The following RGS7 variants were observed in gnomAD, a reference collection of about 807,000 sequenced individuals.
RGS7 encodes the protein regulator of G protein signaling 7.
Under a neutral mutation model 81.1 loss-of-function variants are expected in RGS7, and 27 were observed. The observed-to-expected ratio is 0.33, with a 90% CI of 0.25 to 0.46. RGS7 has a LOEUF of 0.46. Ranked by LOEUF, RGS7 falls within the 20% of genes least tolerant of loss-of-function variation. RGS7 has a pLI of 1.00. For synonymous variants in RGS7, 208 were observed against 207.7 expected, an observed-to-expected ratio of 1.00 and a Z score of -0.01; for missense variants, 396 against 607.4, an observed-to-expected ratio of 0.65 and a Z score of 3.66.
chr1:241,043,434 G>A (rs60004675), intron 3 of RGS7, among the ~76,000 whole-genome samples: 44,785 of 150,316 alleles, frequency 0.3, 7,271 homozygotes, highest in African/African-American at 0.4. Flanking sequence ...TGCATTTTTC[G>A]TTGTTGTGTT....
intron 10 of RGS7, chr1:240,823,419 G>C (rs959527988): frequency 4.1e-5 from 16 of 389,258 alleles, no homozygotes; most frequent in African/African-American, 2.9e-4. Flanking sequence ...GGCAGAGGCA[G>C]GGCAGATGCC....
chr1:240,832,430 T>G (rs1694000584), intron 9 of RGS7, among the ~76,000 whole-genome samples: 1 of 152,214 alleles, frequency 6.6e-6, no homozygotes, highest in Non-Finnish European at 1.5e-5. Flanking sequence ...TTTAACATTG[T>G]GGAAGCCACT....
At position 241,030,851 on chromosome 1, in the gene RGS7, T is replaced by A. The variant is rs189519227; in HGVS notation, c.176-47722A>T. 5.7e-3 allele frequency among the ~76,000 whole-genome samples: 873 copies of A among 152,252 alleles called. 15 individuals carry two copies. The highest frequency in any genetic ancestry group is 5.6e-3 in the Non-Finnish European group (380 of 68,018). On this transcript the variant is annotated intron_variant, in intron 3 of 18. Coordinates refer to ENST00000440928, the MANE Select transcript of RGS7 (RefSeq NM_001364886.1). ...CACATGGAAACTGACAGTCCAAGGC[T>A]GTGATCAGGCGATGGTAGGCTCAAC... is the stretch of plus-strand genomic sequence containing the variant.
At chr1:241,237,292 T>A (rs1323724805) in intron 2 of RGS7, among the ~76,000 whole-genome samples, 3 of 152,112 alleles carry the variant, frequency 2.0e-5, no homozygotes, top group Admixed American at 2.0e-4. Flanking sequence ...TGAGAAATAA[T>A]AAAATGTAGG....
intron 4 of RGS7, among the ~76,000 whole-genome samples, chr1:240,975,677 T>C (rs556318720): frequency 6.6e-6 from 1 of 152,360 alleles, no homozygotes; most frequent in East Asian, 1.9e-4. Flanking sequence ...TTGAAGCTTT[T>C]TATTTTGATA....
intron 2 of RGS7, among the ~76,000 whole-genome samples, chr1:241,150,385 C>T (rs2068657895): frequency 6.6e-6 from 1 of 151,920 alleles, no homozygotes; most frequent in Non-Finnish European, 1.5e-5. Context: ...CCTAAGGCCC[C>T]AAGTCCTTGT....
intron 3 of RGS7, among the ~76,000 whole-genome samples, chr1:241,051,228 T>C (rs540568159): frequency 6.6e-6 from 1 of 152,320 alleles, no homozygotes; most frequent in Admixed American, 6.5e-5. Context: ...TTATGTCACT[T>C]ATCTGTCTGA....
intron 2 of RGS7, among the ~76,000 whole-genome samples, chr1:241,192,634 A>T (rs2072772876): frequency 6.6e-6 from 1 of 152,212 alleles, no homozygotes; most frequent in Non-Finnish European, 1.5e-5. Flanking sequence ...TCCATGAAAC[A>T]AATTCCTTTT....
At chr1:241,218,803 C>T (rs1024431087) in intron 2 of RGS7, among the ~76,000 whole-genome samples, 1 of 152,016 alleles carries the variant, frequency 6.6e-6, no homozygotes, top group Admixed American at 6.6e-5. Flanking sequence ...CACCACCACA[C>T]CTGGCTAATT....
At chr1:240,795,988 T>G (rs1341564313) in intron 18 of RGS7, among the ~76,000 whole-genome samples, 1 of 152,192 alleles carries the variant, frequency 6.6e-6, no homozygotes, top group Non-Finnish European at 1.5e-5. Context: ...GGTCTTGCCA[T>G]GTTGCCCAGG....
rs377177967 is a variant in RGS7 at position 241,158,362 on chromosome 1, GAT to G, written c.79-59602_79-59601del. ...CATCCAATGGGTGGATATTCACACA[GAT>G]ATAGACTTGTTACCTGTACATGTCT... On this transcript the variant is annotated intron_variant, in intron 2 of 18. Coordinates refer to ENST00000440928, the MANE Select transcript of RGS7 (RefSeq NM_001364886.1). 2.1e-3 allele frequency among the ~76,000 whole-genome samples: 322 copies of G among 152,254 alleles called. 2 individuals are homozygous for G. The highest frequency in any genetic ancestry group is 7.5e-3 in the African/African-American group (310 of 41,542).
At chr1:241,199,163 TA>T (rs1376326283) in intron 2 of RGS7, among the ~76,000 whole-genome samples, 282 of 147,320 alleles carry the variant, frequency 1.9e-3, no homozygotes, top group African/African-American at 6.7e-3. Flanking sequence ...AAACAAAGAA[TA>T]AAAAAAAAAG....
intron 6 of RGS7, among the ~76,000 whole-genome samples, chr1:240,901,964 AG>A (rs1276547569): frequency 2.0e-5 from 3 of 152,222 alleles, no homozygotes; most frequent in African/African-American, 4.8e-5. Flanking sequence ...CTAAAGAAAT[AG>A]GGCATTTGTT....
intron 3 of RGS7, among the ~76,000 whole-genome samples, chr1:241,039,121 A>G (rs756489801): frequency 1.3e-5 from 2 of 152,112 alleles, no homozygotes; most frequent in African/African-American, 2.4e-5. Context: ...AGATCTAATC[A>G]ACAGATTTCC....
At chr1:240,891,865 C>T (rs1389599951) in intron 6 of RGS7, among the ~76,000 whole-genome samples, 2 of 152,176 alleles carry the variant, frequency 1.3e-5, no homozygotes, top group African/African-American at 2.4e-5. Flanking sequence ...AAAAGAACCA[C>T]ACATTTAATT....
At chr1:240,886,155 A>T (rs745812007) in intron 6 of RGS7, among the ~76,000 whole-genome samples, 1 of 152,208 alleles carries the variant, frequency 6.6e-6, no homozygotes, top group African/African-American at 2.4e-5. Context: ...GTAAATGTTC[A>T]TGTAATACTT....
intron 2 of RGS7, among the ~76,000 whole-genome samples, chr1:241,104,254 T>G (rs2064962040): frequency 6.6e-6 from 1 of 152,218 alleles, no homozygotes; most frequent in African/African-American, 2.4e-5. Context: ...ATCCTTTTTC[T>G]TTTATAATTC....
intron 2 of RGS7, among the ~76,000 whole-genome samples, chr1:241,179,465 T>C (rs1480596323): frequency 1.3e-5 from 2 of 152,166 alleles, no homozygotes; most frequent in Non-Finnish European, 2.9e-5. Context: ...GCCCTCCCAT[T>C]GGACATGCTG....
chr1:240,779,530 T>C (rs1053010428), intron 18 of RGS7, among the ~76,000 whole-genome samples: 1 of 152,154 alleles, frequency 6.6e-6, no homozygotes, highest in South Asian at 2.1e-4. Context: ...GGAAGATGGC[T>C]GTCTATGAAC....
Sources: allele counts gnomAD v4.1 joint callset (sites outside exome capture counted in the v4.1 genomes callset), GRCh38; gene constraint gnomAD v4.1.1; transcripts MANE v1.5; gene names NCBI Gene and HGNC (gene_info 2026-07-23, HGNC 2026-07-21).